Variants in SNRNP40 observed in about 807,000 individuals in gnomAD.
The protein encoded by SNRNP40 is U5 small nuclear ribonucleoprotein 40 kDa protein.
In SNRNP40, 21 loss-of-function variants were observed where a neutral mutation model predicts 45.8. That is an observed-to-expected ratio of 0.46 (90% CI 0.32 to 0.66). SNRNP40 has a LOEUF of 0.66. SNRNP40 is among the 30% of genes least tolerant of loss of function. The pLI is 0.03. For missense variants in SNRNP40, 344 were observed against 439.1 expected, an observed-to-expected ratio of 0.78 and a Z score of 1.94; for synonymous variants, 142 against 163.8, an observed-to-expected ratio of 0.87 and a Z score of 1.01.
At chr1:31,272,200 T>A (rs1241290302) in intron 5 of SNRNP40, among the ~76,000 whole-genome samples, 4 of 152,178 alleles carry the variant, frequency 2.6e-5, no homozygotes, top group Non-Finnish European at 5.9e-5. Context: ...TGTAACAATA[T>A]GAAAAATACA....
In SNRNP40 at chr1:31,293,209, T is replaced by C. The variant is rs780823852; in HGVS notation, c.271+10A>G. On this transcript the variant is annotated intron_variant, in intron 2 of 9. Transcript: ENST00000263694. ...GAAAAATTATTCCAGATTCAAAAAC[T>C]ATGCCTCACATATCAGTCGGTCAAA... is the stretch of plus-strand genomic sequence containing the variant. 10 of 1,613,004 alleles carry C rather than the reference T, an allele frequency of 6.2e-6. No individual in the cohort carries two copies. Among genetic ancestry groups the C allele is most frequent in the Non-Finnish European group, 8.5e-6 (10 of 1,179,684 alleles).
chr1:31,269,577 A>C, intron 6 of SNRNP40: 1 of 437,778 alleles, frequency 2.3e-6, no homozygotes, highest in African/African-American at 2.0e-5. Flanking sequence ...ACATCCAGCA[A>C]AGCTTCAATG....
At chr1:31,262,521 C>CA (rs57503418) in intron 8 of SNRNP40, among the ~76,000 whole-genome samples, 6,389 of 40,310 alleles carry the variant, frequency 0.16, 356 homozygotes, top group Non-Finnish European at 0.2. Flanking sequence ...ACTCCATCTC[C>CA]AAAAAAAAAA....
chr1:31,279,020 T>C (rs1270975986), intron 5 of SNRNP40, among the ~76,000 whole-genome samples: 1 of 147,438 alleles, frequency 6.8e-6, no homozygotes, highest in Admixed American at 7.0e-5. Context: ...AGAGCGATTA[T>C]GTTAAAAAAC....
chr1:31,286,810 A>C (rs1482158262), intron 4 of SNRNP40, among the ~76,000 whole-genome samples: 1 of 152,094 alleles, frequency 6.6e-6, no homozygotes, highest in Non-Finnish European at 1.5e-5. Context: ...TCTCCTTACC[A>C]CACTTGTGCT....
chr1:31,269,715 A>T (rs181642766), intron 6 of SNRNP40: 2,944 of 184,022 alleles, frequency 0.016, 35 homozygotes, highest in Non-Finnish European at 0.023. Context: ...GATATATATA[A>T]AATATATAAA....
Position 31,281,324 on chromosome 1 carries a change from T to C in SNRNP40, c.654+50A>G, listed in dbSNP as rs769404552. The stretch of plus-strand genomic sequence containing the variant: ...TCTCAGAAGTTTGAAAAAATTCGTT[T>C]CTAAGTGCAGATAGATGAAATGGAA... On this transcript the variant is annotated intron_variant, in intron 5 of 9. Coordinates refer to ENST00000263694, the MANE Select transcript of SNRNP40 (RefSeq NM_004814.3). 10 of 1,500,732 alleles carry C rather than the reference T, an allele frequency of 6.7e-6. No homozygotes were observed. In the Admixed American group the frequency reaches 1.6e-4, roughly 24 times the overall value. The allele number at this position is 1,500,732 out of a possible 1,614,324, so 93.0% of individuals were successfully genotyped here.
At chr1:31,263,733 C>T (rs1288573947) in intron 8 of SNRNP40, 1 of 364,944 alleles carries the variant, frequency 2.7e-6, no homozygotes, top group Non-Finnish European at 5.2e-6. Flanking sequence ...CCTTGATGTC[C>T]TGTGCTGAAG....
At chr1:31,266,436 T>C (rs981523171) in intron 8 of SNRNP40, among the ~76,000 whole-genome samples, 5 of 152,168 alleles carry the variant, frequency 3.3e-5, no homozygotes, top group African/African-American at 1.2e-4. Flanking sequence ...TATTGTTCTT[T>C]ACCAGGCCTC....
intron 5 of SNRNP40, among the ~76,000 whole-genome samples, chr1:31,278,488 G>C (rs1307735322): frequency 6.6e-6 from 1 of 152,166 alleles, no homozygotes; most frequent in East Asian, 1.9e-4. Context: ...AAGTATAAAA[G>C]TTATCATAGC....
rs963777664 is a variant in SNRNP40 at position 31,281,645 on chromosome 1, C to T, written c.532-149G>A. The T allele has an allele frequency of 3.8e-5, 23 of 598,900 alleles. No homozygotes were observed. In the Admixed American group the frequency reaches 8.2e-4, roughly 21 times the overall value. The allele number at this position is 598,900 out of a possible 1,614,324, so 37.1% of individuals were successfully genotyped here. A position where few individuals can be genotyped will look rare whatever the true frequency, so the allele number is the denominator to read the frequency against. On this transcript the variant is annotated intron_variant, in intron 4 of 9. Transcript: ENST00000263694. ...CACTAACTCCTGGATATCCTAATAA[C>T]ACACATGGTAAGCAGTGTGCTCAAT... is the stretch of plus-strand genomic sequence containing the variant.
chr1:31,271,777 G>A (rs1447012520), intron 5 of SNRNP40, among the ~76,000 whole-genome samples: 1 of 151,900 alleles, frequency 6.6e-6, no homozygotes, highest in East Asian at 1.9e-4. Context: ...CCCAGTAGCT[G>A]GGACTACAGG....
At position 31,282,623 on chromosome 1, in the gene SNRNP40, C is replaced by CT. The variant is rs1176540781; in HGVS notation, c.532-1128_532-1127insA. The CT allele has an allele frequency of 5.6e-4, 84 of 150,334 alleles. 1 individual carries two copies. Among genetic ancestry groups the CT allele is most frequent in the Non-Finnish European group, 1.2e-4 (8 of 67,714 alleles). The allele number at this position is 150,334 out of a possible 1,614,324, so 9.3% of individuals were successfully genotyped here. A position where few individuals can be genotyped will look rare whatever the true frequency, so the allele number is the denominator to read the frequency against. On this transcript the variant is annotated intron_variant, in intron 4 of 9. Coordinates refer to ENST00000263694, the MANE Select transcript of SNRNP40 (RefSeq NM_004814.3). ...TCTATCTATCTATCTATCTTTCTAT[C>CT]ATCTATATCTATCTATCTATGTATC...
chr1:31,274,485 C>T (rs1364582696), intron 5 of SNRNP40, among the ~76,000 whole-genome samples: 1 of 152,018 alleles, frequency 6.6e-6, no homozygotes, highest in Non-Finnish European at 1.5e-5. Context: ...TTGTGATCCG[C>T]CCACCTCAGC....
intron 4 of SNRNP40, chr1:31,282,223 ATTGT>A: frequency 6.6e-6 from 1 of 152,276 alleles, no homozygotes; most frequent in East Asian, 1.9e-4. Flanking sequence ...AACAATAAAA[ATTGT>A]TTATTTTTAC....
At chr1:31,292,957 T>G in intron 2 of SNRNP40, 1 of 451,800 alleles carries the variant, frequency 2.2e-6, no homozygotes, top group Non-Finnish European at 4.0e-6. Flanking sequence ...AGCTGGAGAT[T>G]TGCCTCTATG....
At chr1:31,290,739 A>G (rs551961327) in intron 3 of SNRNP40, among the ~76,000 whole-genome samples, 122 of 152,132 alleles carry the variant, frequency 8.0e-4, no homozygotes, top group Middle Eastern at 3.4e-3. Flanking sequence ...TTAGCCGGGC[A>G]TGGTGGCGGG....
rs777403050 is a variant in SNRNP40, at chr1:31,269,168, T to C, written c.848A>G (p.Asn283Ser). 4 of 1,604,510 alleles carry C rather than the reference T, an allele frequency of 2.5e-6. No individual in the cohort carries two copies. Among genetic ancestry groups the C allele is most frequent in the South Asian group, 1.1e-5 (1 of 89,304 alleles). The change falls in exon 7 of 10, where the codon AAC (asparagine) becomes AGC (serine). Residue 283 changes from asparagine (N) to serine (S), a missense_variant. Transcript: ENST00000263694. Reference protein sequence around the residue: ...CVKIFQGNVHNFEKNLLRCSW... With the variant: ...CVKIFQGNVHSFEKNLLRCSW... Reference sequence around the variant, plus strand: ...CCATGCAGAACTCACCTTTTCAAAGTTGTGCACATTTCCTTGAAATATCTT... The same window carrying C: ...CCATGCAGAACTCACCTTTTCAAAGCTGTGCACATTTCCTTGAAATATCTT...
chr1:31,267,968 C>T (rs772271372), intron 7 of SNRNP40, 36 bp from the exon 8 acceptor site: 5 of 1,451,420 alleles, frequency 3.4e-6, no homozygotes, highest in Admixed American at 1.7e-5. Flanking sequence ...TAGTAATATA[C>T]CAAACTCCTC....
Sources: allele counts gnomAD v4.1 joint callset (sites outside exome capture counted in the v4.1 genomes callset), GRCh38; gene constraint gnomAD v4.1.1; transcripts MANE v1.5; gene names NCBI Gene and HGNC (gene_info 2026-07-23, HGNC 2026-07-21).